Variants in NEMP2 observed in about 807,000 individuals in gnomAD.
The protein encoded by NEMP2 is UPF0571 transmembrane protein.
Under a neutral mutation model 54.2 loss-of-function variants are expected in NEMP2, and 53 were observed. That is an observed-to-expected ratio of 0.98 (90% CI 0.78 to 1.23). The LOEUF is 1.23. Among genes scored for constraint, NEMP2 ranks in the 50% most tolerant of loss-of-function variants. The probability of loss-of-function intolerance (pLI) is 0.00; values close to 1 mark genes in which losing one functional copy is unlikely to be tolerated. For missense variants in NEMP2, 455 were observed against 511.3 expected (o/e 0.89, Z 1.06); for synonymous variants, 197 against 190.3 (o/e 1.04, Z -0.29).
chr2:190,496,344 G>T, the NEMP2 span, among the ~76,000 whole-genome samples: 1 of 152,156 alleles, frequency 6.6e-6, no homozygotes, highest in Non-Finnish European at 1.5e-5. This position sits in a 1 kb window ranked among gnomAD's most constrained non-coding sequence, Gnocchi z 4.7. Context: ...TGATGTTGGT[G>T]TGGATGTAGT....
chr2:190,528,566 G>A lies in NEMP2; in HGVS notation c.98-3188C>T, dbSNP rs140683013. ...ACTATGATAATAATGTTTACTTCCA[G>A]ACAGGTCTTTCTTCACCACCCATGT... On this transcript the variant is annotated intron_variant, in intron 1 of 8. Transcript: ENST00000409150. The surrounding 1 kb of genome is among the most constrained non-coding windows in gnomAD (Gnocchi z 4.3). Among the ~76,000 whole-genome samples, 4 of 152,308 alleles carry A rather than the reference G, an allele frequency of 2.6e-5. No individual in the cohort carries two copies. In the South Asian group the frequency reaches 6.2e-4, roughly 24 times the overall value.
At chr2:190,454,802 C>T in the NEMP2 span, among the ~76,000 whole-genome samples, 2 of 152,000 alleles carry the variant, frequency 1.3e-5, no homozygotes, top group Non-Finnish European at 2.9e-5. This position sits in a 1 kb window ranked among gnomAD's most constrained non-coding sequence, Gnocchi z 4.6. Flanking sequence ...GGATGGGATC[C>T]CCAAAGATTC....
the NEMP2 span, among the ~76,000 whole-genome samples, chr2:190,622,371 G>C: frequency 6.6e-6 from 1 of 151,852 alleles, no homozygotes. Context: ...TCATGCCACA[G>C]CACTCCAGCC....
chr2:190,437,054 T>C, the NEMP2 span: 1 of 1,614,196 alleles, frequency 6.2e-7, no homozygotes, highest in Non-Finnish European at 8.5e-7. The surrounding 1 kb of genome is among the most constrained non-coding windows in gnomAD (Gnocchi z 5.9). Flanking sequence ...ATGCTGTCTG[T>C]GGGCATCGGG....
the NEMP2 span, among the ~76,000 whole-genome samples, chr2:190,616,102 C>G: frequency 6.6e-6 from 1 of 152,228 alleles, no homozygotes; most frequent in Non-Finnish European, 1.5e-5. This position sits in a 1 kb window ranked among gnomAD's most constrained non-coding sequence, Gnocchi z 5.1. Flanking sequence ...GTTCCTGCCA[C>G]TTCAAGACTT....
chr2:190,449,360 G>A, the NEMP2 span, among the ~76,000 whole-genome samples: 2 of 152,130 alleles, frequency 1.3e-5, no homozygotes, highest in Non-Finnish European at 2.9e-5. Flanking sequence ...TGTAGTCCCA[G>A]CTACTTGGGA....
chr2:190,480,638 C>T, the NEMP2 span, among the ~76,000 whole-genome samples: 1 of 152,162 alleles, frequency 6.6e-6, no homozygotes, highest in Admixed American at 6.5e-5. Flanking sequence ...AATCCGGAAA[C>T]CATAAAGTGC....
the NEMP2 span, chr2:190,626,877 A>T: frequency 1.3e-5 from 2 of 152,198 alleles, no homozygotes; most frequent in Non-Finnish European, 2.9e-5. The surrounding 1 kb of genome is among the most constrained non-coding windows in gnomAD (Gnocchi z 4.5). Context: ...TGGTAATAGG[A>T]ATCACATGAT....
At chr2:190,601,010 A>G in the NEMP2 span, among the ~76,000 whole-genome samples, 2 of 152,190 alleles carry the variant, frequency 1.3e-5, no homozygotes, top group Non-Finnish European at 1.5e-5. The surrounding 1 kb of genome is among the most constrained non-coding windows in gnomAD (Gnocchi z 5.8). Context: ...ATGTGGGTTG[A>G]ATTGTATCTC....
At position 190,523,678 on chromosome 2, in the gene NEMP2, A is replaced by G. The variant is rs2125332331; in HGVS notation, c.213+1585T>C. ...ACGCCTAGAACATCTTGTTTGTTAG[A>G]AAGTAAAGTAGTGCTCAAAAATGCT... On this transcript the variant is annotated intron_variant, in intron 2 of 8. Coordinates refer to ENST00000409150, the MANE Select transcript of NEMP2 (RefSeq NM_001142645.2). This position sits in a 1 kb window ranked among gnomAD's most constrained non-coding sequence, Gnocchi z 5.3. Among the ~76,000 whole-genome samples, 1 of 152,360 alleles carries G rather than the reference A, an allele frequency of 6.6e-6. No individual in the cohort carries two copies. Among genetic ancestry groups the G allele is most frequent in the African/African-American group, 2.4e-5 (1 of 41,584 alleles).
chr2:190,622,590 T>C, the NEMP2 span, among the ~76,000 whole-genome samples: 1 of 152,094 alleles, frequency 6.6e-6, no homozygotes, highest in East Asian at 1.9e-4. Flanking sequence ...GAGTAAACCT[T>C]TGTGACTTGG....
the NEMP2 span, among the ~76,000 whole-genome samples, chr2:190,576,272 G>A: frequency 1.3e-5 from 2 of 152,110 alleles, no homozygotes; most frequent in Non-Finnish European, 2.9e-5. Context: ...TGCCCTGCCT[G>A]CATTACTTTT....
the NEMP2 span, among the ~76,000 whole-genome samples, chr2:190,474,961 A>G: frequency 6.6e-6 from 1 of 152,288 alleles, no homozygotes; most frequent in Non-Finnish European, 1.5e-5. Context: ...ACCAAAGACA[A>G]AAATCACATG....
At chr2:190,432,619 G>A in the NEMP2 span, among the ~76,000 whole-genome samples, 1 of 152,132 alleles carries the variant, frequency 6.6e-6, no homozygotes, top group Admixed American at 6.5e-5. Flanking sequence ...GTTTTGCCAA[G>A]TTGGCCAGGC....
the NEMP2 span, among the ~76,000 whole-genome samples, chr2:190,480,366 CT>C: frequency 2.1e-5 from 3 of 145,824 alleles, no homozygotes; most frequent in East Asian, 6.2e-4. Flanking sequence ...TTTCAGCCCC[CT>C]GTATCATGTA....
At chr2:190,471,124 C>T in the NEMP2 span, among the ~76,000 whole-genome samples, 2 of 152,090 alleles carry the variant, frequency 1.3e-5, no homozygotes, top group Non-Finnish European at 2.9e-5. The surrounding 1 kb of genome is among the most constrained non-coding windows in gnomAD (Gnocchi z 4.7). Flanking sequence ...GCCAAGATGG[C>T]CGAATAGGAA....
the NEMP2 span, chr2:190,608,143 G>A: frequency 3.3e-5 from 5 of 152,328 alleles, no homozygotes; most frequent in East Asian, 5.8e-4. The surrounding 1 kb of genome is among the most constrained non-coding windows in gnomAD (Gnocchi z 4.9). Flanking sequence ...CGCCGTACAC[G>A]TTCCCCATCC....
chr2:190,488,537 T>C, the NEMP2 span: 6 of 935,490 alleles, frequency 6.4e-6, no homozygotes, highest in Middle Eastern at 2.5e-4. This position sits in a 1 kb window ranked among gnomAD's most constrained non-coding sequence, Gnocchi z 6.4. Context: ...AAATTTTTAA[T>C]GTATGTTTTC....
At chr2:190,624,490 T>C in the NEMP2 span, 1 of 152,190 alleles carries the variant, frequency 6.6e-6, no homozygotes, top group Non-Finnish European at 1.5e-5. Flanking sequence ...AAAATCAGTA[T>C]ATGGAAGACG....
Sources: gnomAD v4.1 joint callset for allele counts (sites outside exome capture counted in the v4.1 genomes callset) on GRCh38, gnomAD v4.1.1 for gene constraint, Gnocchi (gnomAD v3.1) non-coding constraint, MANE v1.5 for transcripts, NCBI Gene and HGNC (gene_info 2026-07-23, HGNC 2026-07-21) for gene names.